GRM8: variants seen among roughly 807,000 people sequenced by gnomAD.
The protein encoded by GRM8 is glutamate metabotropic receptor 8, also known as metabotropic glutamate receptor 8.
A neutral mutation model predicts 87.2 loss-of-function variants in GRM8; 47 were observed. The observed-to-expected ratio is 0.54, with a 90% CI of 0.43 to 0.69. The LOEUF (loss-of-function observed/expected upper bound fraction) is 0.69. Among genes scored for constraint, GRM8 ranks in the 30% least tolerant of loss-of-function variants. The pLI is 0.00. For synonymous variants in GRM8, 396 were observed against 404.5 expected (o/e 0.98, Z 0.25); for missense variants, 1,019 against 1,139.2 (o/e 0.89, Z 1.52).
chr7:127,088,122 G>T (rs1053340192), intron 3 of GRM8, among the ~76,000 whole-genome samples: 10 of 152,226 alleles, frequency 6.6e-5, no homozygotes. Flanking sequence ...GGGCTCCTCT[G>T]ATTGCCATCC....
intron 6 of GRM8, among the ~76,000 whole-genome samples, chr7:126,860,978 G>A (rs916936869): frequency 2.6e-5 from 4 of 152,082 alleles, no homozygotes; most frequent in Non-Finnish European, 5.9e-5. Flanking sequence ...TTGTTGTATG[G>A]TTTGTGACTC....
intron 8 of GRM8, among the ~76,000 whole-genome samples, chr7:126,580,491 T>G (rs1281009228): frequency 1.3e-5 from 2 of 152,162 alleles, no homozygotes; most frequent in Non-Finnish European, 2.9e-5. Context: ...CATTCTCGTC[T>G]ACTTAAGATT....
chr7:126,769,842 G>GAC, intron 7 of GRM8, 23 bp downstream of exon 7: 5 of 1,306,568 alleles, frequency 3.8e-6, no homozygotes, highest in South Asian at 2.4e-5. Context: ...AATGTATTTA[G>GAC]ACACACACAC....
intron 2 of GRM8, among the ~76,000 whole-genome samples, chr7:127,223,443 G>GCACA (rs61674303): frequency 0.016 from 2,240 of 143,998 alleles, 23 homozygotes; most frequent in Non-Finnish European, 0.021. Flanking sequence ...ACACACACAC[G>GCACA]CACACACACA....
intron 3 of GRM8, among the ~76,000 whole-genome samples, chr7:126,966,774 C>T (rs749827065): frequency 1.4e-4 from 22 of 152,108 alleles, no homozygotes; most frequent in Non-Finnish European, 4.4e-5. Flanking sequence ...CTACTCAACT[C>T]GCTCCTAGAT....
intron 7 of GRM8, among the ~76,000 whole-genome samples, chr7:126,635,172 C>G (rs1204735899): frequency 1.1e-4 from 17 of 152,278 alleles, no homozygotes; most frequent in African/African-American, 3.8e-4. Context: ...TAATTTTGTT[C>G]AGCCCAATAA....
At chr7:127,039,527 GA>G (rs1157000719) in intron 3 of GRM8, among the ~76,000 whole-genome samples, 1 of 151,542 alleles carries the variant, frequency 6.6e-6, no homozygotes, top group Non-Finnish European at 1.5e-5. Flanking sequence ...TTATTTGGGG[GA>G]AACTCCTTGG....
rs780082176 is a variant in GRM8, at chr7:126,533,909, G to A, written c.1495-22C>T. 5.1e-6 allele frequency: 8 copies of A among 1,553,640 alleles called. No homozygotes were observed. In the Admixed American group the frequency reaches 1.2e-4, roughly 24 times the overall value. On this transcript the variant is annotated intron_variant, in intron 8 of 10. Coordinates refer to ENST00000339582, the MANE Select transcript of GRM8 (RefSeq NM_000845.3). Reference sequence around the variant, plus strand: ...CCACCTGTGGGTATAAAAAATTAATGAGCCTTCCATTTTTCCCCCATTTAT... The same window carrying A: ...CCACCTGTGGGTATAAAAAATTAATAAGCCTTCCATTTTTCCCCCATTTAT...
chr7:126,985,534 A>T (rs979447604), intron 3 of GRM8, among the ~76,000 whole-genome samples: 2 of 152,318 alleles, frequency 1.3e-5, no homozygotes, highest in Admixed American at 6.5e-5. Flanking sequence ...GAAACTGGTT[A>T]ATTTATATGG....
intron 8 of GRM8, among the ~76,000 whole-genome samples, chr7:126,536,690 G>T (rs1198543595): frequency 1.3e-5 from 2 of 152,022 alleles, no homozygotes; most frequent in Non-Finnish European, 2.9e-5. Context: ...GGTGCTTCAG[G>T]AATTAACTTT....
At chr7:126,978,942 A>C (rs1296961643) in intron 3 of GRM8, among the ~76,000 whole-genome samples, 1 of 152,224 alleles carries the variant, frequency 6.6e-6, no homozygotes, top group Non-Finnish European at 1.5e-5. Context: ...CCTCTGCTAT[A>C]CTGGCCGACT....
intron 9 of GRM8, chr7:126,512,823 T>C (rs1032438694): frequency 6.6e-6 from 1 of 152,114 alleles, no homozygotes; most frequent in Non-Finnish European, 1.5e-5. Flanking sequence ...ATGTCTTTAT[T>C]CCATCAGGAA....
chr7:126,706,484 G>C (rs1310758426), intron 7 of GRM8, among the ~76,000 whole-genome samples: 1 of 152,074 alleles, frequency 6.6e-6, no homozygotes, highest in Non-Finnish European at 1.5e-5. Context: ...TCTTTCCTTG[G>C]AGAAGGTCAG....
chr7:127,015,213 AG>A (rs1398230960), intron 3 of GRM8, among the ~76,000 whole-genome samples: 3 of 134,574 alleles, frequency 2.2e-5, no homozygotes, highest in Admixed American at 7.5e-5. Flanking sequence ...AAGAAGAAGA[AG>A]AAGAAGAAGA....
intron 6 of GRM8, among the ~76,000 whole-genome samples, chr7:126,806,379 T>C (rs987610633): frequency 1.3e-5 from 2 of 151,880 alleles, no homozygotes; most frequent in African/African-American, 4.8e-5. Flanking sequence ...GGACACAGAG[T>C]GAGCAGCAGG....
intron 8 of GRM8, among the ~76,000 whole-genome samples, chr7:126,595,313 C>T (rs932415661): frequency 2.0e-5 from 3 of 151,874 alleles, no homozygotes; most frequent in Non-Finnish European, 4.4e-5. Flanking sequence ...TTCACGGCAA[C>T]CTCCCCTTCC....
At chr7:127,167,191 T>A (rs982377316) in intron 2 of GRM8, among the ~76,000 whole-genome samples, 1 of 152,158 alleles carries the variant, frequency 6.6e-6, no homozygotes, top group Non-Finnish European at 1.5e-5. Context: ...AAACACTTTA[T>A]ACAAGTAATA....
chr7:127,115,191 T>G (rs1305470551), intron 2 of GRM8, among the ~76,000 whole-genome samples: 1 of 152,114 alleles, frequency 6.6e-6, no homozygotes, highest in Non-Finnish European at 1.5e-5. Context: ...AGAACTTGAC[T>G]TTGCCTGCAC....
intron 9 of GRM8, among the ~76,000 whole-genome samples, chr7:126,480,984 C>T (rs963024809): frequency 1.3e-4 from 20 of 151,902 alleles, no homozygotes; most frequent in African/African-American, 3.1e-4. Flanking sequence ...ATAATTTTTA[C>T]GAAAATGATG....
Sources: allele counts gnomAD v4.1 joint callset (sites outside exome capture counted in the v4.1 genomes callset), GRCh38; gene constraint gnomAD v4.1.1; transcripts MANE v1.5; gene names NCBI Gene and HGNC (gene_info 2026-07-23, HGNC 2026-07-21).